The following EYS variants were observed in gnomAD, a reference collection of about 807,000 sequenced individuals.
EYS encodes protein eyes shut homolog.
EYS carries 250 observed loss-of-function variants against 282.1 expected under a neutral mutation model. The observed-to-expected ratio is 0.89, with a 90% CI of 0.80 to 0.98. EYS has a LOEUF of 0.98. Among genes scored for constraint, EYS ranks in the 50% least tolerant of loss-of-function variants. The pLI is 0.00. For missense variants in EYS, 4,016 were observed against 3,709.0 expected (o/e 1.08, Z -2.15); for synonymous variants, 1,355 against 1,282.9 (o/e 1.06, Z -1.20).
At chr6:65,031,716 G>A (rs1561931042) in intron 13 of EYS, among the ~76,000 whole-genome samples, 1 of 151,790 alleles carries the variant, frequency 6.6e-6, no homozygotes, top group Non-Finnish European at 1.5e-5. Context: ...AGAATCTCTG[G>A]GACATTGTGA....
At chr6:63,881,899 T>C (rs1167931813) in intron 35 of EYS, among the ~76,000 whole-genome samples, 1 of 152,198 alleles carries the variant, frequency 6.6e-6, no homozygotes, top group Non-Finnish European at 1.5e-5. Flanking sequence ...TTTAATCACA[T>C]ATAGGAAGCT....
chr6:65,634,545 G>A (rs962342325), intron 2 of EYS, among the ~76,000 whole-genome samples: 3 of 152,112 alleles, frequency 2.0e-5, no homozygotes, highest in Admixed American at 1.3e-4. Context: ...TCTATCACAA[G>A]GCCAGTCATC....
intron 5 of EYS, among the ~76,000 whole-genome samples, chr6:65,484,860 T>C (rs1765732382): frequency 6.6e-6 from 1 of 152,228 alleles, no homozygotes; most frequent in South Asian, 2.1e-4. Context: ...CTTCCACCTA[T>C]TTTTGTAAAC....
At chr6:65,617,895 T>C (rs1474751934) in intron 2 of EYS, among the ~76,000 whole-genome samples, 3 of 152,134 alleles carry the variant, frequency 2.0e-5, no homozygotes, top group African/African-American at 7.2e-5. Flanking sequence ...TCATTTTTGA[T>C]GGCTGCATAG....
intron 19 of EYS, among the ~76,000 whole-genome samples, chr6:64,837,086 T>C (rs554933822): frequency 1.3e-5 from 2 of 151,860 alleles, no homozygotes; most frequent in South Asian, 4.1e-4. Flanking sequence ...TAATAATAAA[T>C]CCATCTTTAA....
At chr6:65,704,681 T>C (rs1406830144) in intron 1 of EYS, among the ~76,000 whole-genome samples, 1 of 152,218 alleles carries the variant, frequency 6.6e-6, no homozygotes, top group Non-Finnish European at 1.5e-5. Flanking sequence ...ACACCTTCTA[T>C]TCATCAGAAA....
chr6:65,325,219 C>A (rs1267598885), intron 11 of EYS, among the ~76,000 whole-genome samples: 1 of 152,298 alleles, frequency 6.6e-6, no homozygotes, highest in East Asian at 1.9e-4. Flanking sequence ...CCTCCTCTCC[C>A]TTCTTCATCC....
intron 24 of EYS, among the ~76,000 whole-genome samples, chr6:64,593,579 G>A (rs548529540): frequency 1.3e-3 from 200 of 151,920 alleles, no homozygotes; most frequent in Non-Finnish European, 2.1e-3. Context: ...TTTTACTTTT[G>A]AGAATATAGT....
intron 36 of EYS, among the ~76,000 whole-genome samples, chr6:63,829,423 C>T (rs1241376035): frequency 3.3e-5 from 5 of 152,176 alleles, no homozygotes; most frequent in African/African-American, 1.2e-4. Flanking sequence ...ATATCCCACA[C>T]CTGGATTGGA....
rs561999236 is a variant in EYS, at chr6:64,993,632, C to T, written c.2259+3950G>A. Among the ~76,000 whole-genome samples the T allele has an allele frequency of 3.6e-3, 530 of 149,046 alleles. 2 individuals carry two copies. The highest frequency in any genetic ancestry group is 5.5e-3 in the Non-Finnish European group (373 of 67,266). On this transcript the variant is annotated intron_variant, in intron 14 of 42. Coordinates refer to ENST00000503581, the MANE Select transcript of EYS (RefSeq NM_001142800.2). ...AGGAGATATACCTAATGTTAAATGA[C>T]GAGTTAATGGGTGCAGCACACCAAC...
intron 29 of EYS, among the ~76,000 whole-genome samples, chr6:64,318,809 G>C (rs973909797): frequency 6.6e-6 from 1 of 151,146 alleles, no homozygotes; most frequent in African/African-American, 2.4e-5. Context: ...ATATTTGTGG[G>C]GTATATGAGA....
chr6:63,942,303 C>G (rs777974344), intron 35 of EYS, among the ~76,000 whole-genome samples: 2 of 152,098 alleles, frequency 1.3e-5, no homozygotes, highest in Non-Finnish European at 2.9e-5. Context: ...ACAACTGTGT[C>G]CAGATAGGCA....
At chr6:64,382,876 G>A (rs1220275768) in intron 29 of EYS, among the ~76,000 whole-genome samples, 1 of 152,068 alleles carries the variant, frequency 6.6e-6, no homozygotes, top group Non-Finnish European at 1.5e-5. Flanking sequence ...TGGGAAGAGT[G>A]GTGGGTGGGA....
At chr6:64,898,563 G>C (rs1767549209) in intron 18 of EYS, among the ~76,000 whole-genome samples, 1 of 151,830 alleles carries the variant, frequency 6.6e-6, no homozygotes, top group African/African-American at 2.4e-5. Flanking sequence ...AAAATAACCA[G>C]CTAGCATCAT....
At chr6:64,545,734 C>A (rs1306381444) in intron 26 of EYS, among the ~76,000 whole-genome samples, 4 of 152,036 alleles carry the variant, frequency 2.6e-5, no homozygotes, top group African/African-American at 9.7e-5. Flanking sequence ...GTAACAGACA[C>A]ACAAAGAGCC....
rs150638491 is a variant in EYS at position 63,971,655 on chromosome 6, T to TA, written c.7055+12727dup. ...TGGATGGGTAGACTAGAGAAGGAAA[T>TA]AAAAAAGCCCAGAGAATTTGTGAGA... On this transcript the variant is annotated intron_variant, in intron 35 of 42. Transcript: ENST00000503581. Among the ~76,000 whole-genome samples, 652 of 152,098 alleles carry TA rather than the reference T, an allele frequency of 4.3e-3. 13 individuals are homozygous for TA. In the East Asian group the frequency reaches 0.09, roughly 21 times the overall value.
At chr6:65,105,872 G>C (rs970257468) in intron 12 of EYS, among the ~76,000 whole-genome samples, 1 of 151,630 alleles carries the variant, frequency 6.6e-6, no homozygotes. Flanking sequence ...ATTAATTGAA[G>C]AGCATAAATC....
intron 32 of EYS, among the ~76,000 whole-genome samples, chr6:64,069,958 C>G (rs1342925489): frequency 6.6e-6 from 1 of 151,980 alleles, no homozygotes; most frequent in Non-Finnish European, 1.5e-5. Flanking sequence ...TATACTTTTA[C>G]AAATATCTTT....
In EYS at chr6:65,058,615, A is replaced by C. The variant is rs547742768; in HGVS notation, c.2024-888T>G. On this transcript the variant is annotated intron_variant, in intron 12 of 42. Transcript: ENST00000503581. ...TAGTAATTTTACAACGTAAGCCTAT[A>C]TGGAAAGAAAACAAATAAATGTCCA... 1.9e-4 allele frequency among the ~76,000 whole-genome samples: 29 copies of C among 150,908 alleles called. 4 individuals are homozygous for C. Among genetic ancestry groups the C allele is most frequent in the Non-Finnish European group, 3.7e-4 (25 of 67,450 alleles).
Sources: allele counts gnomAD v4.1 joint callset (sites outside exome capture counted in the v4.1 genomes callset), GRCh38; gene constraint gnomAD v4.1.1; transcripts MANE v1.5; gene names NCBI Gene and HGNC (gene_info 2026-07-23, HGNC 2026-07-21).